CTNNA3: variants seen among roughly 807,000 people sequenced by gnomAD.
CTNNA3 encodes catenin alpha-3.
A neutral mutation model predicts 95.7 loss-of-function variants in CTNNA3; 76 were observed. That is an observed-to-expected ratio of 0.79 (90% CI 0.66 to 0.96). CTNNA3 has a LOEUF of 0.96. Ranked by LOEUF, CTNNA3 falls within the 40% of genes least tolerant of loss-of-function variation. CTNNA3 has a pLI of 0.00. For synonymous variants in CTNNA3, 431 were observed against 374.4 expected, an observed-to-expected ratio of 1.15 and a Z score of -1.74; for missense variants, 1,191 against 1,089.8, an observed-to-expected ratio of 1.09 and a Z score of -1.31.
intron 11 of CTNNA3, among the ~76,000 whole-genome samples, chr10:66,449,874 A>T (rs913015474): frequency 2.0e-5 from 3 of 149,016 alleles, no homozygotes; most frequent in Non-Finnish European, 4.4e-5. Flanking sequence ...TGACAGTAAA[A>T]TACTGAAAAT....
chr10:66,100,530 T>C (rs2081581294), intron 14 of CTNNA3, among the ~76,000 whole-genome samples: 1 of 152,292 alleles, frequency 6.6e-6, no homozygotes, highest in Non-Finnish European at 1.5e-5. Context: ...TGGTGAGGTT[T>C]TCACCCAGCG....
At chr10:66,387,521 G>A (rs2092902758) in intron 11 of CTNNA3, among the ~76,000 whole-genome samples, 2 of 152,140 alleles carry the variant, frequency 1.3e-5, no homozygotes, top group African/African-American at 4.8e-5. Flanking sequence ...TTCAACCATT[G>A]TGGAAGATAT....
chr10:66,025,395 C>T (rs950912778), intron 15 of CTNNA3, among the ~76,000 whole-genome samples: 6 of 152,198 alleles, frequency 3.9e-5, no homozygotes, highest in South Asian at 2.1e-4. Flanking sequence ...ACAACCCACC[C>T]ATCCTGTTTC....
At chr10:65,923,061 G>A (rs1462057175) in intron 17 of CTNNA3, among the ~76,000 whole-genome samples, 1 of 152,138 alleles carries the variant, frequency 6.6e-6, no homozygotes, top group Non-Finnish European at 1.5e-5. Flanking sequence ...AATATGTGGG[G>A]AATTACAGGT....
intron 1 of CTNNA3, among the ~76,000 whole-genome samples, chr10:67,742,962 A>T (rs1841351027): frequency 6.6e-6 from 1 of 151,332 alleles, no homozygotes; most frequent in Non-Finnish European, 1.5e-5. Flanking sequence ...GAAGAAGTTG[A>T]ATCTCTGAAC....
At chr10:66,244,949 T>C (rs1287829014) in intron 13 of CTNNA3, among the ~76,000 whole-genome samples, 1 of 152,164 alleles carries the variant, frequency 6.6e-6, no homozygotes, top group Non-Finnish European at 1.5e-5. Flanking sequence ...TTACGGGATC[T>C]TTGGGGTGTT....
intron 7 of CTNNA3, among the ~76,000 whole-genome samples, chr10:66,845,723 A>AAAAAAAAAAC (rs1843238412): frequency 1.2e-5 from 1 of 86,412 alleles, no homozygotes; most frequent in Non-Finnish European, 2.7e-5. Flanking sequence ...AAAAAAAAAA[A>AAAAAAAAAAC]AAAAAACTAA....
intron 15 of CTNNA3, among the ~76,000 whole-genome samples, chr10:66,049,602 C>T (rs972523113): frequency 4.6e-5 from 7 of 152,094 alleles, no homozygotes; most frequent in African/African-American, 1.2e-4. Context: ...ATACGTCATA[C>T]TATGAAGCAA....
At chr10:66,446,228 G>C (rs4260816) in intron 11 of CTNNA3, among the ~76,000 whole-genome samples, 57,802 of 151,552 alleles carry the variant, frequency 0.38, 11,516 homozygotes, top group African/African-American at 0.5. Flanking sequence ...GATTCACAGC[G>C]GATTTCTACC....
chr10:66,010,371 A>G (rs770051787), intron 15 of CTNNA3, among the ~76,000 whole-genome samples: 1 of 152,234 alleles, frequency 6.6e-6, no homozygotes, highest in African/African-American at 2.4e-5. Flanking sequence ...CACAGATGCT[A>G]TAGTAAAGAC....
At position 67,665,556 on chromosome 10, in the gene CTNNA3, G is replaced by A. The variant is rs1840313319; in HGVS notation, c.-5-18038C>T. 4 of 152,180 alleles carry A rather than the reference G, an allele frequency of 2.6e-5. 1 individual carries two copies. The South Asian group carries it at 8.3e-4, about 32-fold the overall frequency. 9.4% of individuals were successfully genotyped at this position (152,180 alleles called of 1,614,324 possible). On this transcript the variant is annotated intron_variant, in intron 1 of 17. Coordinates refer to ENST00000433211, the MANE Select transcript of CTNNA3 (RefSeq NM_013266.4). ...CTCCACTCACCTACTGCAGGACAGA[G>A]TATTGCCCATATACAGATACTAAAC...
intron 9 of CTNNA3, among the ~76,000 whole-genome samples, chr10:66,757,450 T>C (rs958376202): frequency 6.6e-6 from 1 of 152,176 alleles, no homozygotes; most frequent in Non-Finnish European, 1.5e-5. Context: ...ATGGACTACT[T>C]GTACTTTCTC....
At chr10:67,274,233 GGAA>G (rs1479207060) in intron 5 of CTNNA3, among the ~76,000 whole-genome samples, 6 of 151,942 alleles carry the variant, frequency 3.9e-5, no homozygotes, top group African/African-American at 1.5e-4. Flanking sequence ...CAAAAGAAAT[GGAA>G]GAAGAGTTAC....
chr10:66,118,089 A>G (rs1212910111), intron 13 of CTNNA3, among the ~76,000 whole-genome samples: 1 of 150,876 alleles, frequency 6.6e-6, no homozygotes, highest in Non-Finnish European at 1.5e-5. Flanking sequence ...ATGCACCTAT[A>G]CTTCCTCTTA....
At chr10:66,092,926 A>C (rs1469149946) in intron 14 of CTNNA3, among the ~76,000 whole-genome samples, 1 of 151,768 alleles carries the variant, frequency 6.6e-6, no homozygotes, top group Admixed American at 6.6e-5. Context: ...AATAAAAAAG[A>C]TATCTTTTTA....
At chr10:66,681,420 A>T (rs568957705) in intron 9 of CTNNA3, among the ~76,000 whole-genome samples, 1 of 152,280 alleles carries the variant, frequency 6.6e-6, no homozygotes, top group South Asian at 2.1e-4. Context: ...ATAGGAGGGT[A>T]TATTTTAGAA....
intron 1 of CTNNA3, among the ~76,000 whole-genome samples, chr10:67,670,424 C>G (rs1840409423): frequency 6.6e-6 from 1 of 152,130 alleles, no homozygotes; most frequent in Admixed American, 6.5e-5. Context: ...CTAAATTTTC[C>G]AAAATATAAC....
rs938605672 is a variant in CTNNA3 at position 66,256,490 on chromosome 10, C to T, written c.1884+23980G>A. Reference sequence around the variant, plus strand: ...ATCCCAGCACTTTGGGAGGCCGAGGCGGGTGGATAACCTGAGTTTGGGAGT... The same window carrying T: ...ATCCCAGCACTTTGGGAGGCCGAGGTGGGTGGATAACCTGAGTTTGGGAGT... On this transcript the variant is annotated intron_variant, in intron 13 of 17. Transcript: ENST00000433211. Among the ~76,000 whole-genome samples, 4 of 149,872 alleles carry T rather than the reference C, an allele frequency of 2.7e-5. No individual in the cohort carries two copies. The South Asian group carries it at 6.4e-4, about 24-fold the overall frequency.
At chr10:66,391,203 T>G (rs2092931145) in intron 11 of CTNNA3, among the ~76,000 whole-genome samples, 1 of 152,102 alleles carries the variant, frequency 6.6e-6, no homozygotes, top group Admixed American at 6.6e-5. Flanking sequence ...TTGAAAATTA[T>G]TGAAAGAAAA....
Sources: allele counts gnomAD v4.1 joint callset (sites outside exome capture counted in the v4.1 genomes callset), GRCh38; gene constraint gnomAD v4.1.1; transcripts MANE v1.5; gene names NCBI Gene and HGNC (gene_info 2026-07-23, HGNC 2026-07-21).